Variants in FCRL1 observed in about 807,000 individuals in gnomAD.
The protein encoded by FCRL1 is Fc receptor like 1.
FCRL1 carries 34 observed loss-of-function variants against 49.2 expected under a neutral mutation model. The observed-to-expected ratio is 0.69, with a 90% CI of 0.53 to 0.92. The LOEUF is 0.92. Among genes scored for constraint, FCRL1 ranks in the 40% least tolerant of loss-of-function variants. The pLI, the probability that FCRL1 is intolerant of heterozygous loss-of-function variation, is 0.00. For synonymous variants in FCRL1, 218 were observed against 201.6 expected (o/e 1.08, Z -0.69); for missense variants, 524 against 524.1 (o/e 1.00, Z 0.00).
intron 3 of FCRL1, among the ~76,000 whole-genome samples, chr1:157,803,386 C>A (rs1652856290): frequency 6.6e-6 from 1 of 152,174 alleles, no homozygotes; most frequent in South Asian, 2.1e-4. Context: ...GGAAATCAAG[C>A]TCCAACTGCC....
chr1:157,807,243 T>G (rs1653626007), intron 1 of FCRL1, 121 bp from the exon 2 acceptor site: 1 of 901,982 alleles, frequency 1.1e-6, no homozygotes, highest in African/African-American at 1.7e-5. Flanking sequence ...TCCCTGCATC[T>G]CTCTCTTCCT....
chr1:157,801,552 A>T lies in FCRL1; in HGVS notation c.912T>A (p.His304Gln). 1 of 1,613,854 alleles carries T rather than the reference A, an allele frequency of 6.2e-7. No homozygotes were observed. The highest frequency in any genetic ancestry group is 8.5e-7 in the Non-Finnish European group (1 of 1,179,868). ...FTVPTGARSN[H>Q]LTSGVIEGLL... Reference sequence around the variant, plus strand: ...GCCCCTCAATGACTCCTGAGGTAAGATGATTGCTTCTGGCCCCAGTAGGCA... The same window carrying T: ...GCCCCTCAATGACTCCTGAGGTAAGTTGATTGCTTCTGGCCCCAGTAGGCA... The change falls in exon 6 of 11, where the codon CAT (histidine) becomes CAA (glutamine). Residue 304 changes from histidine to glutamine, a missense_variant. His to Gln is a conservative substitution (Grantham distance 24). Transcript: ENST00000368176.
chr1:157,797,470 GGGCA>G (rs147206713), intron 9 of FCRL1, among the ~76,000 whole-genome samples: 2,210 of 152,260 alleles, frequency 0.015, 47 homozygotes, highest in African/African-American at 0.051. Context: ...TACTTAAAGA[GGGCA>G]GGCAGAAGCC....
At chr1:157,806,332 G>A (rs1405588630) in intron 2 of FCRL1, among the ~76,000 whole-genome samples, 3 of 152,228 alleles carry the variant, frequency 2.0e-5, no homozygotes, top group Admixed American at 6.5e-5. Flanking sequence ...TGCACTTGCA[G>A]CCGATGTTCT....
intron 3 of FCRL1, among the ~76,000 whole-genome samples, 171 bp from the exon 4 acceptor site, chr1:157,802,835 G>T (rs954650472): frequency 6.6e-6 from 1 of 152,116 alleles, no homozygotes; most frequent in East Asian, 1.9e-4. Flanking sequence ...GATGGTGGTA[G>T]GATAAGAAAG....
intron 5 of FCRL1, 43 bp downstream of exon 5, chr1:157,801,872 G>A (rs770481422): frequency 1.4e-5 from 22 of 1,572,368 alleles, no homozygotes; most frequent in Non-Finnish European, 1.9e-5. Context: ...AGGACGCTGG[G>A]AAGGAGACAT....
At chr1:157,799,051 A>G (rs1336589480) in intron 7 of FCRL1, among the ~76,000 whole-genome samples, 1 of 152,168 alleles carries the variant, frequency 6.6e-6, no homozygotes, top group Non-Finnish European at 1.5e-5. Context: ...CCCAGGCTTA[A>G]GTGCAGTGGT....
intron 7 of FCRL1, among the ~76,000 whole-genome samples, chr1:157,799,281 C>T (rs1346411851): frequency 4.6e-5 from 7 of 152,056 alleles, no homozygotes; most frequent in Non-Finnish European, 8.8e-5. Flanking sequence ...ATTACAGGTG[C>T]GAGCCACTGT....
At position 157,794,877 on chromosome 1, in the gene FCRL1, T is replaced by C. The variant is rs1306115087; in HGVS notation, c.*1222A>G. The C allele has an allele frequency of 1.3e-5, 2 of 152,220 alleles. No individual in the cohort carries two copies. Among genetic ancestry groups the C allele is most frequent in the African/African-American group, 2.4e-5 (1 of 41,448 alleles). The allele number at this position is 152,220 out of a possible 1,614,324, so 9.4% of individuals were successfully genotyped here. A position where few individuals can be genotyped will look rare whatever the true frequency, so the allele number is the denominator to read the frequency against. On this transcript the variant is annotated 3_prime_UTR_variant, in exon 11 of 11. Coordinates refer to ENST00000368176, the MANE Select transcript of FCRL1 (RefSeq NM_052938.5). ...TATAGAGACTTTTAAAATAGTATAA[T>C]AGATCTATTTACAGATTTGAAAGTA...
chr1:157,819,964 G>C (rs531973615), intron 1 of FCRL1, 43 bp downstream of exon 1: 1 of 1,612,862 alleles, frequency 6.2e-7, no homozygotes, highest in South Asian at 1.1e-5. Context: ...CAGAGCCCAA[G>C]CATGATTGCA....
intron 7 of FCRL1, among the ~76,000 whole-genome samples, chr1:157,799,812 AT>A (rs1276978558): frequency 1.3e-5 from 2 of 152,144 alleles, no homozygotes; most frequent in Non-Finnish European, 2.9e-5. Context: ...TTAAAAAAAA[AT>A]TCTGCAGTGG....
chr1:157,801,136 C>T (rs896827368), intron 6 of FCRL1, among the ~76,000 whole-genome samples: 1 of 152,156 alleles, frequency 6.6e-6, no homozygotes, highest in Admixed American at 6.5e-5. Context: ...GTGATCTGCC[C>T]ACCTCAGCCT....
Position 157,798,366 on chromosome 1 carries a change from G to T in FCRL1, c.1032-123C>A, listed in dbSNP as rs1266451649. On this transcript the variant is annotated intron_variant, in intron 7 of 10. Transcript: ENST00000368176. ...GCAGAATACTAAGTTACGGGGAAAT[G>T]AGCAGCTAGAAGGCACAGCAGTGTG... The T allele has an allele frequency of 1.2e-5, 10 of 809,522 alleles. No homozygotes were observed. The Admixed American group carries it at 2.8e-4, about 23-fold the overall frequency. The allele number at this position is 809,522 out of a possible 1,614,324, so 50.1% of individuals were successfully genotyped here.
At chr1:157,808,683 G>A (rs919381413) in intron 1 of FCRL1, among the ~76,000 whole-genome samples, 14 of 152,222 alleles carry the variant, frequency 9.2e-5, no homozygotes, top group Non-Finnish European at 1.5e-5. Context: ...CTCAGACACT[G>A]TGAGGAAAGC....
intron 3 of FCRL1, 93 bp downstream of exon 3, chr1:157,803,752 T>A (rs1160144602): frequency 3.1e-5 from 46 of 1,467,424 alleles, no homozygotes; most frequent in Non-Finnish European, 4.0e-5. Flanking sequence ...CAGCTCCTAC[T>A]CTTGCAGAGA....
At chr1:157,815,619 A>T (rs1329568759) in intron 1 of FCRL1, among the ~76,000 whole-genome samples, 1 of 151,936 alleles carries the variant, frequency 6.6e-6, no homozygotes, top group Non-Finnish European at 1.5e-5. Context: ...GGCAGAAATA[A>T]ATGAAATAGA....
chr1:157,798,006 C>T (rs1571334969), intron 8 of FCRL1, 67 bp from the exon 9 acceptor site: 2 of 1,550,270 alleles, frequency 1.3e-6, no homozygotes, highest in South Asian at 1.1e-5. Context: ...TACTCCATAC[C>T]TTCCACCTGT....
chr1:157,797,275 T>C, intron 9 of FCRL1, 143 bp from the exon 10 acceptor site: 2 of 949,358 alleles, frequency 2.1e-6, no homozygotes, highest in Non-Finnish European at 3.3e-6. Context: ...CTTTTCTGTT[T>C]ATCACAAATG....
chr1:157,819,496 G>T (rs749691835), intron 1 of FCRL1, among the ~76,000 whole-genome samples: 1 of 152,074 alleles, frequency 6.6e-6, no homozygotes, highest in Non-Finnish European at 1.5e-5. Context: ...AAGTAGCCCT[G>T]GGGTAATTGA....
Sources: allele counts gnomAD v4.1 joint callset (sites outside exome capture counted in the v4.1 genomes callset), GRCh38; gene constraint gnomAD v4.1.1; transcripts MANE v1.5; gene names NCBI Gene and HGNC (gene_info 2026-07-23, HGNC 2026-07-21).